The following FAR2 variants were observed in gnomAD, a reference collection of about 807,000 sequenced individuals.
The protein encoded by FAR2 is epididymis secretory protein Li 81.
FAR2 carries 19 observed loss-of-function variants against 56.0 expected under a neutral mutation model. That is an observed-to-expected ratio of 0.34 (90% CI 0.24 to 0.50). FAR2 has a LOEUF of 0.50. FAR2 is among the 20% of genes least tolerant of loss of function. The probability of loss-of-function intolerance (pLI) is 0.98; values close to 1 mark genes in which losing one functional copy is unlikely to be tolerated. For synonymous variants in FAR2, 219 were observed against 218.8 expected, an observed-to-expected ratio of 1.00 and a Z score of -0.01; for missense variants, 508 against 642.2, an observed-to-expected ratio of 0.79 and a Z score of 2.26.
At chr12:29,159,463 A>C (rs1028176509) in intron 1 of FAR2, among the ~76,000 whole-genome samples, 1 of 151,180 alleles carries the variant, frequency 6.6e-6, no homozygotes, top group Non-Finnish European at 1.5e-5. Flanking sequence ...GTGTGAATCC[A>C]GGAGGCAGAG....
At chr12:29,255,167 A>AG (rs1948298053) in intron 1 of FAR2, among the ~76,000 whole-genome samples, 2 of 98,556 alleles carry the variant, frequency 2.0e-5, no homozygotes, top group East Asian at 6.8e-4. Context: ...TGGAGGCTAG[A>AG]ATTCAAGATC....
chr12:29,214,555 C>G (rs1392837146), intron 1 of FAR2, among the ~76,000 whole-genome samples: 1 of 152,172 alleles, frequency 6.6e-6, no homozygotes, highest in African/African-American at 2.4e-5. Flanking sequence ...GGCACAGTGG[C>G]TCATGCCTGT....
intron 10 of FAR2, among the ~76,000 whole-genome samples, chr12:29,326,010 C>A (rs1029448378): frequency 2.0e-5 from 3 of 151,684 alleles, no homozygotes; most frequent in Non-Finnish European, 4.4e-5. Context: ...GCTAGCAAGA[C>A]TAATAAAGAA....
chr12:29,327,421 A>G (rs935164394), intron 10 of FAR2, among the ~76,000 whole-genome samples: 2 of 152,214 alleles, frequency 1.3e-5, no homozygotes, highest in African/African-American at 4.8e-5. Context: ...TTCATATGGA[A>G]CCAAAAAAGA....
chr12:29,269,034 C>A (rs373858885), intron 1 of FAR2, among the ~76,000 whole-genome samples: 2 of 152,124 alleles, frequency 1.3e-5, no homozygotes, highest in African/African-American at 2.4e-5. Flanking sequence ...AATGAAGTTT[C>A]GGGCACCATT....
rs1350412049 is a variant in FAR2, at chr12:29,327,733, C to T, written c.1258-4867C>T. On this transcript the variant is annotated intron_variant, in intron 10 of 11. Transcript: ENST00000536681. ...AAGCTGAAACTGGATCCCTTCCTTA[C>T]ACCTTATACAAAAATCAATTCAAGA... 3.3e-5 allele frequency among the ~76,000 whole-genome samples: 5 copies of T among 152,330 alleles called. No homozygotes were observed. In the East Asian group the frequency reaches 9.6e-4, roughly 29 times the overall value.
intron 1 of FAR2, among the ~76,000 whole-genome samples, chr12:29,201,403 C>A (rs1013874078): frequency 2.0e-5 from 3 of 152,146 alleles, no homozygotes; most frequent in African/African-American, 7.2e-5. Context: ...AGTTTGAGGT[C>A]TCCTTCATAT....
intron 1 of FAR2, among the ~76,000 whole-genome samples, chr12:29,265,774 G>A (rs1389659776): frequency 1.3e-5 from 2 of 151,922 alleles, no homozygotes; most frequent in Non-Finnish European, 2.9e-5. Context: ...ATCTGACAAG[G>A]GATTAAGAAC....
intron 1 of FAR2, among the ~76,000 whole-genome samples, chr12:29,207,277 G>A (rs764803269): frequency 4.6e-5 from 7 of 152,040 alleles, no homozygotes; most frequent in African/African-American, 7.2e-5. Flanking sequence ...TAGAAACTTC[G>A]GTTTAACAGG....
chr12:29,250,604 A>G (rs184927737), intron 1 of FAR2, among the ~76,000 whole-genome samples: 1 of 152,304 alleles, frequency 6.6e-6, no homozygotes, highest in Non-Finnish European at 1.5e-5. Context: ...TATTTCAGTA[A>G]TGAACAGTTT....
chr12:29,209,967 G>A (rs2136627003), intron 1 of FAR2, among the ~76,000 whole-genome samples: 1 of 152,194 alleles, frequency 6.6e-6, no homozygotes, highest in South Asian at 2.1e-4. Context: ...AGCACTTTGG[G>A]AAGCTGAGGC....
chr12:29,272,133 A>G (rs1948629035), intron 2 of FAR2, among the ~76,000 whole-genome samples: 1 of 152,166 alleles, frequency 6.6e-6, no homozygotes, highest in South Asian at 2.1e-4. Flanking sequence ...CTCATGGAGT[A>G]TCTTAATGGT....
intron 1 of FAR2, among the ~76,000 whole-genome samples, chr12:29,186,863 A>G (rs1034588348): frequency 6.6e-6 from 1 of 151,898 alleles, no homozygotes; most frequent in Non-Finnish European, 1.5e-5. Flanking sequence ...ATCTCGGCTC[A>G]CTGTAAGCTC....
intron 3 of FAR2, among the ~76,000 whole-genome samples, chr12:29,294,574 T>C (rs1356323508): frequency 6.6e-6 from 1 of 152,198 alleles, no homozygotes; most frequent in Non-Finnish European, 1.5e-5. Flanking sequence ...GGTCTCAAAC[T>C]CCTGACCTCA....
chr12:29,213,528 A>T (rs759857609), intron 1 of FAR2, among the ~76,000 whole-genome samples: 2 of 152,050 alleles, frequency 1.3e-5, no homozygotes, highest in Non-Finnish European at 2.9e-5. Context: ...TGTCTCTACT[A>T]AAAATACAAA....
At chr12:29,170,567 T>TTTCTTC (rs1441358896) in intron 1 of FAR2, among the ~76,000 whole-genome samples, 4 of 152,322 alleles carry the variant, frequency 2.6e-5, no homozygotes, top group East Asian at 3.9e-4. Context: ...TCTTTTTCTT[T>TTTCTTC]TTCTTCTTTG....
chr12:29,309,175 C>T lies in FAR2; in HGVS notation c.724-11C>T. 1 of 1,585,266 alleles carries T rather than the reference C, an allele frequency of 6.3e-7. No homozygotes were observed. The highest frequency in any genetic ancestry group is 1.1e-5 in the South Asian group (1 of 90,276). ...GAAATGTGTAACCAATAGAAATCTT[C>T]TTTCTTTTAGGGTTGGGTTGATAAT... On this transcript the variant is annotated splice_polypyrimidine_tract_variant and intron_variant, in intron 5 of 11. Transcript: ENST00000536681.
intron 1 of FAR2, among the ~76,000 whole-genome samples, chr12:29,161,139 A>G (rs1316252801): frequency 2.0e-5 from 3 of 152,234 alleles, no homozygotes; most frequent in Non-Finnish European, 2.9e-5. Context: ...TTTTTTAGGT[A>G]TAACATCTGT....
chr12:29,154,816 A>G (rs746332522), intron 1 of FAR2, among the ~76,000 whole-genome samples: 1 of 152,114 alleles, frequency 6.6e-6, no homozygotes, highest in Non-Finnish European at 1.5e-5. Context: ...TTTATGCTAC[A>G]TTTCCTAAAC....
Sources: allele counts gnomAD v4.1 joint callset (sites outside exome capture counted in the v4.1 genomes callset), GRCh38; gene constraint gnomAD v4.1.1; transcripts MANE v1.5; gene names NCBI Gene and HGNC (gene_info 2026-07-23, HGNC 2026-07-21).